DMXL2: variants seen among roughly 807,000 people sequenced by gnomAD.
DMXL2 encodes the protein Dmx like 2.
In DMXL2, 103 loss-of-function variants were observed where a neutral mutation model predicts 331.1. The ratio of observed to expected loss-of-function variants is 0.31; its 90% CI spans 0.27 to 0.37. DMXL2 has a LOEUF of 0.37. Among genes scored for constraint, DMXL2 ranks in the 10% least tolerant of loss-of-function variants. DMXL2 has a pLI of 1.00. For missense variants in DMXL2, 3,171 were observed against 3,642.9 expected (o/e 0.87, Z 3.33); for synonymous variants, 1,281 against 1,252.1 (o/e 1.02, Z -0.49).
intron 1 of DMXL2, among the ~76,000 whole-genome samples, chr15:51,604,650 G>A (rs2053459802): frequency 6.6e-6 from 1 of 152,170 alleles, no homozygotes; most frequent in Admixed American, 6.5e-5. Context: ...ACTCAAAGAT[G>A]TCACTTCTCC....
At chr15:51,453,511 C>G in intron 41 of DMXL2, 39 bp downstream of exon 41, 1 of 1,473,970 alleles carries the variant, frequency 6.8e-7, no homozygotes, top group South Asian at 1.3e-5. Context: ...GGATTTCTAA[C>G]GTTTTTATAT....
At chr15:51,603,689 A>G (rs2053381998) in intron 1 of DMXL2, 1 of 151,972 alleles carries the variant, frequency 6.6e-6, no homozygotes, top group Non-Finnish European at 1.5e-5. Flanking sequence ...ACATGGCGAA[A>G]CCCCATCTCT....
chr15:51,590,632 A>T (rs561007337), intron 1 of DMXL2, among the ~76,000 whole-genome samples: 26 of 151,854 alleles, frequency 1.7e-4, no homozygotes, highest in Non-Finnish European at 3.1e-4. Context: ...GGCTCAGGTG[A>T]TCCTCCCACC....
intron 3 of DMXL2, chr15:51,568,244 AG>A (rs1187298113): frequency 2.7e-6 from 1 of 375,106 alleles, no homozygotes; most frequent in Admixed American, 4.8e-5. Flanking sequence ...AGTTCAAACT[AG>A]GGTAGATCTC....
At chr15:51,547,083 A>G (rs1449122230) in intron 7 of DMXL2, 147 bp downstream of exon 7, 11 of 708,476 alleles carry the variant, frequency 1.6e-5, no homozygotes, top group South Asian at 4.6e-5. Context: ...AAAACTCATG[A>G]AGCTAATAGT....
intron 10 of DMXL2, 70 bp from the exon 11 acceptor site, chr15:51,537,829 T>C: frequency 7.0e-7 from 1 of 1,437,162 alleles, no homozygotes; most frequent in African/African-American, 1.4e-5. Flanking sequence ...TATAAATAAA[T>C]GGCATACTAT....
Position 51,480,543 on chromosome 15 carries a change from T to C in DMXL2, c.6563A>G (p.Gln2188Arg). Reference sequence around the variant, plus strand: ...TTGAAAAAAAAGTGATATTCACACCTGTTGTGATTCTTGTAGCAAAAATTT... The same window carrying C: ...TTGAAAAAAAAGTGATATTCACACCCGTTGTGATTCTTGTAGCAAAAATTT... ...ELKFLLQESQ[Q>R]ETTVKQLQSP... The change falls in exon 24 of 44, where the codon CAG becomes CGG. Residue 2188 changes from glutamine (Q) to arginine (R), a missense_variant and splice_region_variant. Around this residue, in one of 7 missense-constraint regions of DMXL2, gnomAD observed 197 missense variants for 196.2 expected, o/e 1.00. Transcript: ENST00000560891. 2 of 1,513,338 alleles carry C rather than the reference T, an allele frequency of 1.3e-6. No homozygotes were observed. Among genetic ancestry groups the C allele is most frequent in the Non-Finnish European group, 1.8e-6 (2 of 1,129,120 alleles). 93.7% of individuals were successfully genotyped at this position (1,513,338 alleles called of 1,614,324 possible).
intron 13 of DMXL2, among the ~76,000 whole-genome samples, chr15:51,518,587 TAAG>T (rs965004040): frequency 9.8e-5 from 15 of 152,302 alleles, no homozygotes; most frequent in African/African-American, 3.1e-4. Flanking sequence ...TATTAAAGTT[TAAG>T]AAGGACTGCT....
At chr15:51,578,699 A>G (rs996505744) in intron 1 of DMXL2, among the ~76,000 whole-genome samples, 2 of 152,244 alleles carry the variant, frequency 1.3e-5, no homozygotes, top group African/African-American at 4.8e-5. Context: ...TATATGTAGG[A>G]CATTCAGAGC....
At chr15:51,574,584 A>G (rs4143721) in intron 2 of DMXL2, among the ~76,000 whole-genome samples, 72,073 of 152,002 alleles carry the variant, frequency 0.47, 17,490 homozygotes, top group Non-Finnish European at 0.52. Flanking sequence ...TGTTGTGAAT[A>G]ATTCCATTCA....
chr15:51,482,775 A>G (rs959170521), intron 23 of DMXL2, among the ~76,000 whole-genome samples: 1 of 152,264 alleles, frequency 6.6e-6, no homozygotes, highest in East Asian at 1.9e-4. Flanking sequence ...CAATCTGAGC[A>G]TCCATAAAAA....
chr15:51,521,414 C>CTAGTAGTAGTAGTAGTAGTAG (rs10667947), intron 13 of DMXL2, among the ~76,000 whole-genome samples: 2 of 142,004 alleles, frequency 1.4e-5, no homozygotes, highest in Non-Finnish European at 3.0e-5. Context: ...TAAAAGTTTG[C>CTAGTAGTAGTAGTAGTAGTAG]TAGTAGTAGT....
At chr15:51,560,398 C>A (rs1479465519) in intron 6 of DMXL2, among the ~76,000 whole-genome samples, 2 of 148,070 alleles carry the variant, frequency 1.4e-5, no homozygotes, top group African/African-American at 5.0e-5. Context: ...CATAGGAGTT[C>A]AGTACCTTTC....
chr15:51,590,127 T>G (rs2052180559), intron 1 of DMXL2, among the ~76,000 whole-genome samples: 1 of 152,188 alleles, frequency 6.6e-6, no homozygotes. Flanking sequence ...TGACACTTGA[T>G]TCCAAAGACC....
chr15:51,496,724 G>A (rs2140470627), intron 18 of DMXL2, among the ~76,000 whole-genome samples: 1 of 152,272 alleles, frequency 6.6e-6, no homozygotes, highest in South Asian at 2.1e-4. Flanking sequence ...ATTGATTATT[G>A]GATTCTGGAT....
intron 29 of DMXL2, among the ~76,000 whole-genome samples, chr15:51,470,094 T>C (rs2040956873): frequency 1.3e-5 from 2 of 152,210 alleles, no homozygotes; most frequent in Admixed American, 6.5e-5. Context: ...GGAATGCCGA[T>C]GCTGCCGGTT....
chr15:51,598,333 T>C (rs1189939187), intron 1 of DMXL2, among the ~76,000 whole-genome samples: 1 of 152,200 alleles, frequency 6.6e-6, no homozygotes, highest in East Asian at 1.9e-4. Context: ...TTCTGGACCA[T>C]TTGAAAGTTG....
chr15:51,572,896 C>T (rs1183681446), intron 2 of DMXL2, among the ~76,000 whole-genome samples: 7 of 152,198 alleles, frequency 4.6e-5, no homozygotes, highest in Non-Finnish European at 8.8e-5. Context: ...TGCCCTCTCT[C>T]AACACTCCTA....
rs774124246 is a variant in DMXL2 at position 51,476,683 on chromosome 15, A to G, written c.6870T>C (p.Ala2290=). The G allele has an allele frequency of 4.3e-6, 7 of 1,609,440 alleles. No homozygotes were observed. Among genetic ancestry groups the G allele is most frequent in the Non-Finnish European group, 5.9e-6 (7 of 1,178,700 alleles). Residue 2290 remains alanine (A), a synonymous_variant, in exon 27 of 44, where the codon GCT becomes GCC. Transcript: ENST00000560891. ...QTEGNQFTGM[A]YQGLLLSDRR... is the part of the protein sequence containing the mutation. ...GATCACTTAAAAGAAGTCCTTGATA[A>G]GCCATTCCTGTAAACTGATTTCCTT...
Sources: allele counts gnomAD v4.1 joint callset (sites outside exome capture counted in the v4.1 genomes callset), GRCh38; gene constraint gnomAD v4.1.1; regional missense constraint gnomAD v4.1.1; transcripts MANE v1.5; gene names NCBI Gene and HGNC (gene_info 2026-07-23, HGNC 2026-07-21).